The following TBC1D21 variants were observed in gnomAD, a reference collection of about 807,000 sequenced individuals.
TBC1D21 encodes the protein TBC1 domain family member 21.
A neutral mutation model predicts 46.0 loss-of-function variants in TBC1D21; 38 were observed. That is an observed-to-expected ratio of 0.83 (90% confidence interval 0.64 to 1.08). TBC1D21 has a LOEUF of 1.08. TBC1D21 is among the 50% of genes least tolerant of loss of function. The probability of loss-of-function intolerance (pLI) is 0.00; values close to 1 mark genes in which losing one functional copy is unlikely to be tolerated. For synonymous variants in TBC1D21, 151 were observed against 157.2 expected (o/e 0.96, Z 0.29); for missense variants, 415 against 417.9 (o/e 0.99, Z 0.06).
chr15:73,884,863 C>G lies in TBC1D21; in HGVS notation c.450C>G (p.Leu150=). 1.2e-6 allele frequency: 2 copies of G among 1,614,130 alleles called. No individual in the cohort carries two copies. Among genetic ancestry groups the G allele is most frequent in the Non-Finnish European group, 1.7e-6 (2 of 1,180,012 alleles). The change falls in exon 5 of 11, where the codon CTC becomes CTG. Residue 150 remains leucine (L), a synonymous_variant. Transcript: ENST00000300504. Reference sequence around the variant, plus strand: ...AGAAGAGGCTAGAGAAGATCCTGCTCCTGAGTTACGTCTGCAACACGCAGG... The same window carrying G: ...AGAAGAGGCTAGAGAAGATCCTGCTGCTGAGTTACGTCTGCAACACGCAGG... ...IDKKRLEKIL[L]LSYVCNTQAE...
the TBC1D21 span, among the ~76,000 whole-genome samples, chr15:73,898,878 A>T: frequency 4.2e-3 from 255 of 61,346 alleles, 2 homozygotes; most frequent in African/African-American, 0.012. Context: ...AAAAAAAAAA[A>T]AAATATATAT....
At chr15:73,877,975 A>G (rs2068095514) in intron 1 of TBC1D21, among the ~76,000 whole-genome samples, 1 of 152,240 alleles carries the variant, frequency 6.6e-6, no homozygotes, top group East Asian at 1.9e-4. Flanking sequence ...GAACTGTGAA[A>G]GCCTGAATGC....
the TBC1D21 span, among the ~76,000 whole-genome samples, chr15:73,903,574 C>T: frequency 6.6e-6 from 1 of 152,218 alleles, no homozygotes; most frequent in African/African-American, 2.4e-5. Flanking sequence ...AACAACTACA[C>T]CCAAATCCTT....
chr15:73,906,360 G>GT, the TBC1D21 span, among the ~76,000 whole-genome samples: 3 of 152,124 alleles, frequency 2.0e-5, no homozygotes, highest in Non-Finnish European at 4.4e-5. Flanking sequence ...ATGTGTCTCC[G>GT]TGGGGTATGA....
chr15:73,901,816 T>G, the TBC1D21 span, among the ~76,000 whole-genome samples: 1 of 152,080 alleles, frequency 6.6e-6, no homozygotes, highest in Non-Finnish European at 1.5e-5. Context: ...TCCCTTTTTT[T>G]TTGTTTGTTT....
intron 4 of TBC1D21, 89 bp downstream of exon 4, chr15:73,884,334 C>A: frequency 8.2e-7 from 1 of 1,221,436 alleles, no homozygotes; most frequent in Non-Finnish European, 1.2e-6. Flanking sequence ...GGAGGGATGG[C>A]TCCAGGATCC....
chr15:73,888,509 A>G lies in TBC1D21; in HGVS notation c.974A>G (p.Lys325Arg). The change falls in exon 10 of 11, where the codon AAG becomes AGG. Residue 325 changes from lysine (K) to arginine (R), a missense_variant. Physicochemically the swap from Lys to Arg is conservative, Grantham distance 26. Transcript: ENST00000300504. The stretch of plus-strand genomic sequence containing the variant: ...GTGGTTTATGCTGAGCTCATCCAGA[A>G]GGATGTAAGTTGCCCCAATGATGTG... Reference protein sequence around the residue: ...ACVVYAELIQKDVPQTLKDFF... With the variant: ...ACVVYAELIQRDVPQTLKDFF... 1.9e-6 allele frequency: 3 copies of G among 1,613,794 alleles called. No individual in the cohort carries two copies. The highest frequency in any genetic ancestry group is 2.5e-6 in the Non-Finnish European group (3 of 1,179,848).
In TBC1D21 at chr15:73,886,574, G is replaced by A; in HGVS notation, c.739G>A (p.Ala247Thr). Residue 247 changes from alanine (A) to threonine (T), a missense_variant, in exon 8 of 11, where the codon GCC becomes ACC. Coordinates refer to ENST00000300504, the MANE Select transcript of TBC1D21 (RefSeq NM_153356.3). ...FPWFCFCFQR[A>T]FKSFDDVWRL... The stretch of plus-strand genomic sequence containing the variant: ...CTGGTTCTGCTTCTGCTTCCAGCGT[G>A]CCTTCAAGTCCTTCGATGATGTCTG... 3 of 1,613,732 alleles carry A rather than the reference G, an allele frequency of 1.9e-6. No individual in the cohort carries two copies. The highest frequency in any genetic ancestry group is 2.5e-6 in the Non-Finnish European group (3 of 1,180,038).
At chr15:73,899,161 A>G in the TBC1D21 span, among the ~76,000 whole-genome samples, 11 of 152,080 alleles carry the variant, frequency 7.2e-5, no homozygotes, top group South Asian at 2.1e-3. Flanking sequence ...GTCTCCTAGG[A>G]GCCTGAAGTA....
the TBC1D21 span, among the ~76,000 whole-genome samples, chr15:73,907,628 G>A: frequency 6.6e-6 from 1 of 152,118 alleles, no homozygotes. Flanking sequence ...AACCCCTTGG[G>A]TCCTCTGCTG....
the TBC1D21 span, among the ~76,000 whole-genome samples, chr15:73,906,586 G>A: frequency 1.6e-4 from 24 of 152,264 alleles, no homozygotes; most frequent in Middle Eastern, 3.4e-3. Flanking sequence ...GAGGAGGCAG[G>A]TTCTTGCCTC....
At chr15:73,898,880 A>AATATAT in the TBC1D21 span, among the ~76,000 whole-genome samples, 1 of 56,802 alleles carries the variant, frequency 1.8e-5, no homozygotes, top group African/African-American at 5.3e-5. Flanking sequence ...AAAAAAAAAA[A>AATATAT]ATATATATAT....
At chr15:73,881,025 T>C (rs2068144431) in intron 1 of TBC1D21, among the ~76,000 whole-genome samples, 1 of 152,236 alleles carries the variant, frequency 6.6e-6, no homozygotes, top group Non-Finnish European at 1.5e-5. Flanking sequence ...ATGCTAGATA[T>C]ACAATTCTGT....
the TBC1D21 span, among the ~76,000 whole-genome samples, chr15:73,895,550 A>C: frequency 6.6e-6 from 1 of 152,236 alleles, no homozygotes; most frequent in Non-Finnish European, 1.5e-5. Context: ...AAGTCTCAAA[A>C]GTCTGACCCT....
chr15:73,908,743 C>T, the TBC1D21 span, among the ~76,000 whole-genome samples: 19 of 152,238 alleles, frequency 1.2e-4, no homozygotes, highest in Non-Finnish European at 2.5e-4. Flanking sequence ...TCTAGAGACC[C>T]TGTGGTGGCA....
chr15:73,888,582 TTCCTCCTCCTCC>T (rs765267990), intron 10 of TBC1D21, 69 bp downstream of exon 10: 2 of 823,618 alleles, frequency 2.4e-6, no homozygotes, highest in Non-Finnish European at 3.7e-6. Flanking sequence ...CCTCCTCCTC[TTCCTCCTCCTCC>T]TCCTCCTCCT....
chr15:73,879,582 A>G (rs1299044353), intron 1 of TBC1D21, among the ~76,000 whole-genome samples: 1 of 152,174 alleles, frequency 6.6e-6, no homozygotes, highest in Non-Finnish European at 1.5e-5. Context: ...CCTGTTACTC[A>G]GGAGCTTGTT....
At chr15:73,881,891 A>G (rs2068162537) in intron 3 of TBC1D21, 144 bp downstream of exon 3, 1 of 714,102 alleles carries the variant, frequency 1.4e-6, no homozygotes, top group African/African-American at 1.8e-5. Flanking sequence ...GGCACAGCAC[A>G]CAGGAGGTGC....
In TBC1D21 at chr15:73,884,096, C is replaced by T; in HGVS notation, c.273-55C>T. 2.2e-6 allele frequency: 3 copies of T among 1,381,634 alleles called. No homozygotes were observed. The South Asian group carries it at 3.6e-5, about 16-fold the overall frequency. 85.6% of individuals were successfully genotyped at this position (1,381,634 alleles called of 1,614,324 possible). A position where few individuals can be genotyped will look rare whatever the true frequency, so the allele number is the denominator to read the frequency against. On this transcript the variant is annotated intron_variant, in intron 3 of 10. Coordinates refer to ENST00000300504, the MANE Select transcript of TBC1D21 (RefSeq NM_153356.3). The stretch of plus-strand genomic sequence containing the variant: ...CCTGGTAGCTGCAGCTGCTCATTCA[C>T]CACTTATCAGAAGGGGAAAAGCCAC...
Sources: gnomAD v4.1 joint callset for allele counts (sites outside exome capture counted in the v4.1 genomes callset) on GRCh38, gnomAD v4.1.1 for gene constraint, MANE v1.5 for transcripts, NCBI Gene and HGNC (gene_info 2026-07-23, HGNC 2026-07-21) for gene names.